C8orf34: variants seen among roughly 807,000 people sequenced by gnomAD.
The protein encoded by C8orf34 is chromosome 8 open reading frame 34, also known as uncharacterized protein C8orf34.
C8orf34 carries 65 observed loss-of-function variants against 68.3 expected under a neutral mutation model. That is an observed-to-expected ratio of 0.95 (90% CI 0.78 to 1.17). The LOEUF is 1.17. Among genes scored for constraint, C8orf34 ranks in the 50% most tolerant of loss-of-function variants. The pLI is 0.00. For synonymous variants in C8orf34, 244 were observed against 241.2 expected (o/e 1.01, Z -0.11); for missense variants, 664 against 655.4 (o/e 1.01, Z -0.14).
At chr8:68,411,685 A>G (rs780524731) in intron 1 of C8orf34, among the ~76,000 whole-genome samples, 1 of 152,214 alleles carries the variant, frequency 6.6e-6, no homozygotes, top group Non-Finnish European at 1.5e-5. Context: ...GGAGGTATTC[A>G]TTGTCTGTGA....
intron 9 of C8orf34, among the ~76,000 whole-genome samples, chr8:68,718,706 A>G (rs753871361): frequency 3.3e-5 from 5 of 152,202 alleles, no homozygotes; most frequent in Non-Finnish European, 7.3e-5. Context: ...CTGTTGTGAC[A>G]CAAGCAGCAA....
intron 10 of C8orf34, among the ~76,000 whole-genome samples, chr8:68,745,025 C>G (rs1402230072): frequency 3.3e-5 from 5 of 152,172 alleles, no homozygotes; most frequent in Admixed American, 6.5e-5. Flanking sequence ...ATCAGACTAA[C>G]AGCGGATCTC....
chr8:68,712,340 C>A (rs867589494), intron 9 of C8orf34, among the ~76,000 whole-genome samples: 1 of 152,116 alleles, frequency 6.6e-6, no homozygotes, highest in South Asian at 2.1e-4. Flanking sequence ...CCTCACATCT[C>A]TATACTAACA....
chr8:68,769,122 TC>T (rs940775738), intron 10 of C8orf34, among the ~76,000 whole-genome samples: 11 of 151,970 alleles, frequency 7.2e-5, no homozygotes, highest in African/African-American at 2.7e-4. Flanking sequence ...ATGTGTAATT[TC>T]TTTTTTTTTA....
chr8:68,568,431 A>G (rs1223047334), intron 7 of C8orf34, among the ~76,000 whole-genome samples: 1 of 152,086 alleles, frequency 6.6e-6, no homozygotes, highest in Non-Finnish European at 1.5e-5. Flanking sequence ...AGTATTTTTG[A>G]ACGCTGAAAA....
chr8:68,676,208 C>T (rs566690193), intron 8 of C8orf34, among the ~76,000 whole-genome samples: 2 of 152,134 alleles, frequency 1.3e-5, no homozygotes, highest in Non-Finnish European at 2.9e-5. Flanking sequence ...GAGGCATACA[C>T]CTGTAGTCCC....
intron 7 of C8orf34, among the ~76,000 whole-genome samples, chr8:68,569,345 C>A (rs938142428): frequency 6.6e-6 from 1 of 152,202 alleles, no homozygotes; most frequent in African/African-American, 2.4e-5. Flanking sequence ...AGGCTCAAGT[C>A]CACAGAGCAG....
At chr8:68,576,385 G>T (rs565154884) in intron 7 of C8orf34, among the ~76,000 whole-genome samples, 1 of 151,538 alleles carries the variant, frequency 6.6e-6, no homozygotes, top group Non-Finnish European at 1.5e-5. Flanking sequence ...CTTCAACTAT[G>T]GTGCAAAATT....
At chr8:68,493,381 C>CCT (rs1813396268) in intron 5 of C8orf34, among the ~76,000 whole-genome samples, 1 of 152,130 alleles carries the variant, frequency 6.6e-6, no homozygotes, top group Non-Finnish European at 1.5e-5. Context: ...AAAGATGCTC[C>CCT]ATATCACTAA....
At chr8:68,521,048 TAATA>T (rs1814733666) in intron 5 of C8orf34, among the ~76,000 whole-genome samples, 1 of 152,204 alleles carries the variant, frequency 6.6e-6, no homozygotes, top group Non-Finnish European at 1.5e-5. Context: ...TAGCAAGTCT[TAATA>T]AATATTAGAG....
At chr8:68,791,590 C>CAACCA (rs570980926) in intron 12 of C8orf34, 2 of 152,164 alleles carry the variant, frequency 1.3e-5, no homozygotes, top group Non-Finnish European at 2.9e-5. Flanking sequence ...AGCAAACAAA[C>CAACCA]AACCAAACCA....
intron 9 of C8orf34, among the ~76,000 whole-genome samples, chr8:68,712,962 T>A (rs1821367033): frequency 6.6e-6 from 1 of 152,124 alleles, no homozygotes; most frequent in South Asian, 2.1e-4. Flanking sequence ...ATCAAAATTA[T>A]ATCAAGTACT....
At chr8:68,561,818 C>T (rs1816439287) in intron 7 of C8orf34, among the ~76,000 whole-genome samples, 1 of 152,108 alleles carries the variant, frequency 6.6e-6, no homozygotes, top group Non-Finnish European at 1.5e-5. Flanking sequence ...GGCACAAACA[C>T]ACACATTAGC....
intron 10 of C8orf34, among the ~76,000 whole-genome samples, chr8:68,742,093 T>G (rs1387674831): frequency 6.6e-6 from 1 of 152,138 alleles, no homozygotes; most frequent in African/African-American, 2.4e-5. Flanking sequence ...AACTCCAGCG[T>G]GTCAGTGGTA....
At chr8:68,616,100 G>C (rs1245527363) in intron 7 of C8orf34, among the ~76,000 whole-genome samples, 1 of 151,356 alleles carries the variant, frequency 6.6e-6, no homozygotes, top group Non-Finnish European at 1.5e-5. Flanking sequence ...AGTATTCTCT[G>C]ATGGTAGTTT....
intron 10 of C8orf34, among the ~76,000 whole-genome samples, chr8:68,725,314 T>C (rs951551046): frequency 2.0e-5 from 3 of 152,212 alleles, no homozygotes. Context: ...TATTCATTAG[T>C]CAGTAATGAC....
At chr8:68,743,276 T>C (rs1293050412) in intron 10 of C8orf34, among the ~76,000 whole-genome samples, 1 of 152,228 alleles carries the variant, frequency 6.6e-6, no homozygotes. Flanking sequence ...TAGCATGTTT[T>C]TTTATTTTTC....
intron 5 of C8orf34, among the ~76,000 whole-genome samples, chr8:68,500,078 G>T (rs1325368587): frequency 6.6e-6 from 1 of 152,160 alleles, no homozygotes; most frequent in African/African-American, 2.4e-5. Context: ...GACTCCTGAA[G>T]ACTTCACCAG....
chr8:68,608,461 G>A (rs1817919756), intron 7 of C8orf34, among the ~76,000 whole-genome samples: 1 of 151,826 alleles, frequency 6.6e-6, no homozygotes, highest in Admixed American at 6.6e-5. Context: ...GATGATGAGA[G>A]GATGGAGAGA....
Sources: gnomAD v4.1 joint callset for allele counts (sites outside exome capture counted in the v4.1 genomes callset) on GRCh38, gnomAD v4.1.1 for gene constraint, MANE v1.5 for transcripts, NCBI Gene and HGNC (gene_info 2026-07-23, HGNC 2026-07-21) for gene names.